Variants in MDGA2 observed in about 807,000 individuals in gnomAD.
MDGA2 encodes the protein MAM domain containing glycosylphosphatidylinositol anchor 2.
Under a neutral mutation model 117.8 loss-of-function variants are expected in MDGA2, and 40 were observed. The observed-to-expected ratio is 0.34, with a 90% CI of 0.26 to 0.44. MDGA2 has a LOEUF of 0.44. Among genes scored for constraint, MDGA2 ranks in the 20% least tolerant of loss-of-function variants. The pLI is 1.00. For synonymous variants in MDGA2, 452 were observed against 439.0 expected, an observed-to-expected ratio of 1.03 and a Z score of -0.37; for missense variants, 1,123 against 1,250.6, an observed-to-expected ratio of 0.90 and a Z score of 1.54.
chr14:46,842,775 T>C (rs1377416073), intron 16 of MDGA2, among the ~76,000 whole-genome samples: 1 of 152,168 alleles, frequency 6.6e-6, no homozygotes, highest in Non-Finnish European at 1.5e-5. Flanking sequence ...AGTTTGAAAA[T>C]TGAGACATAC....
chr14:47,448,057 G>A (rs1172799591), intron 1 of MDGA2, among the ~76,000 whole-genome samples: 9 of 152,154 alleles, frequency 5.9e-5, no homozygotes, highest in East Asian at 5.8e-4. Context: ...TTATTCTAGT[G>A]AGATGGGTCT....
At chr14:47,252,771 C>T (rs1452352272) in intron 2 of MDGA2, among the ~76,000 whole-genome samples, 1 of 152,034 alleles carries the variant, frequency 6.6e-6, no homozygotes, top group Non-Finnish European at 1.5e-5. Context: ...AGTGATTTCT[C>T]AATAAAGGAA....
At chr14:47,327,861 G>A (rs994285808) in intron 1 of MDGA2, among the ~76,000 whole-genome samples, 1 of 152,122 alleles carries the variant, frequency 6.6e-6, no homozygotes, top group Admixed American at 6.6e-5. Flanking sequence ...CTTAGAGAAA[G>A]TAAGTGAATA....
chr14:46,885,288 A>G (rs150799391), intron 10 of MDGA2, among the ~76,000 whole-genome samples: 1,967 of 152,322 alleles, frequency 0.013, 37 homozygotes, highest in African/African-American at 0.045. Flanking sequence ...ACCATTAAAC[A>G]GGAAAAATAC....
chr14:46,882,821 G>C (rs546245145), intron 10 of MDGA2, among the ~76,000 whole-genome samples: 1 of 151,948 alleles, frequency 6.6e-6, no homozygotes, highest in East Asian at 1.9e-4. Flanking sequence ...AGTTAAATCA[G>C]AGGACATCTC....
chr14:47,514,818 T>C (rs1894718090), intron 1 of MDGA2, among the ~76,000 whole-genome samples: 2 of 152,102 alleles, frequency 1.3e-5, no homozygotes, highest in African/African-American at 4.8e-5. Flanking sequence ...CCAAAACATC[T>C]GATTACAAGG....
chr14:47,530,169 A>G (rs1895065406), intron 1 of MDGA2, among the ~76,000 whole-genome samples: 1 of 152,128 alleles, frequency 6.6e-6, no homozygotes, highest in South Asian at 2.1e-4. Context: ...CCTTGTGGAG[A>G]GCCTATAAAC....
intron 1 of MDGA2, among the ~76,000 whole-genome samples, chr14:47,414,652 C>G (rs765044963): frequency 1.3e-5 from 2 of 152,062 alleles, no homozygotes; most frequent in African/African-American, 4.8e-5. Flanking sequence ...ACTTGTGGAT[C>G]TGAAACCTGC....
At chr14:47,150,777 A>G (rs61995368) in intron 3 of MDGA2, among the ~76,000 whole-genome samples, 58,450 of 151,776 alleles carry the variant, frequency 0.39, 11,981 homozygotes, top group South Asian at 0.58. Context: ...TATAAAAATT[A>G]GCTGGACATG....
At chr14:47,039,282 G>T (rs2138668494) in intron 7 of MDGA2, among the ~76,000 whole-genome samples, 1 of 152,206 alleles carries the variant, frequency 6.6e-6, no homozygotes, top group Non-Finnish European at 1.5e-5. Context: ...TCTTGACTTG[G>T]TTAATAGTTA....
intron 10 of MDGA2, among the ~76,000 whole-genome samples, chr14:46,901,382 T>C (rs1044082229): frequency 6.6e-6 from 1 of 151,854 alleles, no homozygotes; most frequent in African/African-American, 2.4e-5. Context: ...TATTGGAAAA[T>C]CTAATAAGCA....
rs116164332 is a variant in MDGA2 at position 46,933,079 on chromosome 14, T to C, written c.2090-12919A>G. On this transcript the variant is annotated intron_variant, in intron 9 of 16. Coordinates refer to ENST00000399232, the MANE Select transcript of MDGA2 (RefSeq NM_001113498.3). ...TCTAACAAAACCCCCACAGTACTTG[T>C]AGGTGAAAACATATCTGTTTTACCA... Among the ~76,000 whole-genome samples the C allele has an allele frequency of 7.5e-3, 1,135 of 152,176 alleles. 12 individuals are homozygous for C. Among genetic ancestry groups the C allele is most frequent in the African/African-American group, 0.026 (1,070 of 41,552 alleles).
intron 1 of MDGA2, among the ~76,000 whole-genome samples, chr14:47,439,778 G>A (rs543789025): frequency 1.2e-4 from 18 of 150,812 alleles, no homozygotes; most frequent in African/African-American, 4.1e-4. Context: ...GTATGTACTC[G>A]AGTACCTAAG....
chr14:47,498,997 A>G (rs1332050615), intron 1 of MDGA2, among the ~76,000 whole-genome samples: 2 of 149,976 alleles, frequency 1.3e-5, no homozygotes, highest in Admixed American at 1.3e-4. Context: ...ATACTTAGCT[A>G]TTCTGGCATT....
rs566190354 is a variant in MDGA2, at chr14:47,470,515, T to C, written c.281-168965A>G. Reference sequence around the variant, plus strand: ...CACATTTTCTTAATCCAGTCTATCATTGATGGACATTTGGGTTGGTTCCAA... The same window carrying C: ...CACATTTTCTTAATCCAGTCTATCACTGATGGACATTTGGGTTGGTTCCAA... On this transcript the variant is annotated intron_variant, in intron 1 of 16. Transcript: ENST00000399232. Among the ~76,000 whole-genome samples the C allele has an allele frequency of 5.9e-5, 9 of 152,284 alleles. No homozygotes were observed. The South Asian group carries it at 6.2e-4, about 11-fold the overall frequency.
chr14:47,124,172 C>G (rs1241463125), intron 5 of MDGA2, among the ~76,000 whole-genome samples: 3 of 151,926 alleles, frequency 2.0e-5, no homozygotes, highest in African/African-American at 7.3e-5. Flanking sequence ...GTTTTTTCTT[C>G]CATTTCACAT....
chr14:47,013,797 CT>C (rs1309391446), intron 8 of MDGA2, among the ~76,000 whole-genome samples: 78 of 34,798 alleles, frequency 2.2e-3, no homozygotes, highest in East Asian at 0.019. Flanking sequence ...TATATATCTC[CT>C]TTTTTTTTTT....
At chr14:47,040,769 T>C (rs1298663336) in intron 7 of MDGA2, among the ~76,000 whole-genome samples, 1 of 152,230 alleles carries the variant, frequency 6.6e-6, no homozygotes, top group African/African-American at 2.4e-5. Flanking sequence ...CTACGTTGTA[T>C]GTTTTACCCA....
At chr14:47,580,457 T>G (rs1407766908) in intron 1 of MDGA2, among the ~76,000 whole-genome samples, 1 of 151,982 alleles carries the variant, frequency 6.6e-6, no homozygotes, top group East Asian at 1.9e-4. Context: ...ACATATCAAT[T>G]TTGAGGGTAT....
Sources: gnomAD v4.1 joint callset for allele counts (sites outside exome capture counted in the v4.1 genomes callset) on GRCh38, gnomAD v4.1.1 for gene constraint, MANE v1.5 for transcripts, NCBI Gene and HGNC (gene_info 2026-07-23, HGNC 2026-07-21) for gene names.